The following LRRC9 variants were observed in gnomAD, a reference collection of about 807,000 sequenced individuals.
LRRC9 encodes the protein leucine-rich repeat-containing protein 9.
In LRRC9, 122 loss-of-function variants were observed where a neutral mutation model predicts 63.2. The observed-to-expected ratio is 1.93, with a 90% confidence interval of 1.67 to 2.24. The LOEUF (loss-of-function observed/expected upper bound fraction) is 2.24. Ranked by LOEUF, LRRC9 falls within the 30% of genes most tolerant of loss-of-function variation. The pLI, the probability that LRRC9 is intolerant of heterozygous loss-of-function variation, is 0.00. For missense variants in LRRC9, 1,071 were observed against 627.7 expected (o/e 1.71, Z -7.55); for synonymous variants, 366 against 213.1 (o/e 1.72, Z -6.25).
chr14:60,034,757 CT>C (rs1196606233), intron 29 of LRRC9, among the ~76,000 whole-genome samples: 1 of 152,124 alleles, frequency 6.6e-6, no homozygotes, highest in Non-Finnish European at 1.5e-5. Flanking sequence ...CTGATGGGCA[CT>C]TAGGTTGATT....
intron 17 of LRRC9, among the ~76,000 whole-genome samples, chr14:59,989,672 TA>T (rs1441861167): frequency 6.6e-6 from 1 of 152,150 alleles, no homozygotes; most frequent in African/African-American, 2.4e-5. Context: ...CTACCAGTAA[TA>T]TTAACCTCTG....
At chr14:60,059,264 T>C (rs529851392) in intron 31 of LRRC9, 1 of 152,368 alleles carries the variant, frequency 6.6e-6, no homozygotes, top group Non-Finnish European at 1.5e-5. Flanking sequence ...TTTGTGTCTT[T>C]ATCACATTTT....
At chr14:59,981,711 T>A in intron 15 of LRRC9, 137 bp from the exon 16 acceptor site, 1 of 605,848 alleles carries the variant, frequency 1.7e-6, no homozygotes, top group Non-Finnish European at 2.9e-6. Context: ...CTCATAGATG[T>A]CCTAATGTGA....
chr14:59,999,208 A>G, exon 19 of LRRC9: 4 of 700,964 alleles, frequency 5.7e-6, no homozygotes, highest in Non-Finnish European at 1.0e-5. Flanking sequence ...AATTTATTGC[A>G]GGAACAAGGA....
intron 29 of LRRC9, among the ~76,000 whole-genome samples, 175 bp downstream of exon 29, chr14:60,032,238 T>A (rs1163970756): frequency 6.6e-6 from 1 of 152,168 alleles, no homozygotes; most frequent in African/African-American, 2.4e-5. Flanking sequence ...GTTATTGTCA[T>A]GTATAAATAA....
At position 60,060,832 on chromosome 14, in the gene LRRC9, C is replaced by T. The variant is rs867493386; in HGVS notation, c.4277-2491C>T. Among the ~76,000 whole-genome samples, 20 of 152,284 alleles carry T rather than the reference C, an allele frequency of 1.3e-4. No homozygotes were observed. The highest frequency in any genetic ancestry group is 1.8e-4 in the Non-Finnish European group (12 of 68,008). On this transcript the variant is annotated intron_variant, in intron 31 of 31. Coordinates refer to ENST00000445360, the Ensembl canonical transcript of LRRC9. The surrounding 1 kb of genome is among the most constrained non-coding windows in gnomAD (Gnocchi z 4.0). ...TCTGGAAAGGATTCACCATTCTAGACGCCATTAAAAACATTTGTAATTCAT... is the reference window on the plus strand; with the variant it reads ...TCTGGAAAGGATTCACCATTCTAGATGCCATTAAAAACATTTGTAATTCAT...
rs767981513 is a variant in LRRC9 at position 60,042,527 on chromosome 14, G to A, written c.3990+10464G>A. ...CTGTGCTGGCAGTGAGTGAGGCTCCGTGGGCATGGGATCCTCCAAGCCATG... is the reference window on the plus strand; with the variant it reads ...CTGTGCTGGCAGTGAGTGAGGCTCCATGGGCATGGGATCCTCCAAGCCATG... On this transcript the variant is annotated intron_variant, in intron 29 of 31. Transcript: ENST00000445360. This position sits in a 1 kb window ranked among gnomAD's most constrained non-coding sequence, Gnocchi z 4.2. Among the ~76,000 whole-genome samples, 4 of 152,198 alleles carry A rather than the reference G, an allele frequency of 2.6e-5. No individual in the cohort carries two copies. In the South Asian group the frequency reaches 6.2e-4, roughly 24 times the overall value.
chr14:60,057,818 A>T, intron 30 of LRRC9, 60 bp from the exon 31 acceptor site: 2 of 567,648 alleles, frequency 3.5e-6, no homozygotes, highest in Admixed American at 4.5e-5. Context: ...ATAAGGATTA[A>T]GCCTATTGAT....
rs1400514072 is a variant in LRRC9 at position 59,952,985 on chromosome 14, A to G, written c.883-6833A>G. On this transcript the variant is annotated intron_variant, in intron 8 of 31. Transcript: ENST00000445360. ...CATCCATGTCCCTGCAAAGGACATG[A>G]GCTCATTCTCTTTAATGGCTGCATA... is the stretch of plus-strand genomic sequence containing the variant. Among the ~76,000 whole-genome samples the G allele has an allele frequency of 2.0e-5, 3 of 152,278 alleles. No individual in the cohort carries two copies. In the East Asian group the frequency reaches 5.8e-4, roughly 29 times the overall value.
intron 29 of LRRC9, among the ~76,000 whole-genome samples, chr14:60,035,276 A>G (rs1892336730): frequency 6.6e-6 from 1 of 152,052 alleles, no homozygotes; most frequent in Non-Finnish European, 1.5e-5. Context: ...TTGATTGCAA[A>G]TATTTTCTCC....
rs1020731830 is a variant in LRRC9, at chr14:60,006,620, A to T, written c.3063+3A>T. On this transcript the variant is annotated splice_donor_region_variant and intron_variant, in intron 22 of 31. Coordinates refer to ENST00000445360, the Ensembl canonical transcript of LRRC9. ...ATCAGGAGATGCACAATTTAAAGGT[A>T]ATCATCTGGGTAGTAATTTTTTTGT... 16 of 632,904 alleles carry T rather than the reference A, an allele frequency of 2.5e-5. No homozygotes were observed. The highest frequency in any genetic ancestry group is 2.7e-4 in the Middle Eastern group (1 of 3,684). The allele number at this position is 632,904 out of a possible 1,614,324, so 39.2% of individuals were successfully genotyped here. A position where few individuals can be genotyped will look rare whatever the true frequency, so the allele number is the denominator to read the frequency against.
In LRRC9 at chr14:59,932,035, T is replaced by A. The variant is rs1301889918; in HGVS notation, c.539T>A (p.Phe180Tyr). The A allele has an allele frequency of 1.4e-6, 1 of 699,610 alleles. No homozygotes were observed. The highest frequency in any genetic ancestry group is 2.6e-6 in the Non-Finnish European group (1 of 383,288). 43.3% of individuals were successfully genotyped at this position (699,610 alleles called of 1,614,324 possible). A position where few individuals can be genotyped will look rare whatever the true frequency, so the allele number is the denominator to read the frequency against. ...CTTTCTGGTAACCAAATATGTTCTT[T>A]CAAGGTATGTTTAAGTGGAATAATT... The change falls in exon 6 of 32, where the codon TTC (phenylalanine) becomes TAC (tyrosine). Residue 180 changes from phenylalanine (F) to tyrosine (Y), a missense_variant. Coordinates refer to ENST00000445360, the Ensembl canonical transcript of LRRC9. The surrounding 1 kb of genome is among the most constrained non-coding windows in gnomAD (Gnocchi z 4.7).
rs398043778 is a variant in LRRC9 at position 60,007,940 on chromosome 14, TAAAA to T, written c.3064-133_3064-130del. ...GAGCAACAGCACGAGACCATGTCTT[TAAAA>T]AAAAAAAAAAAAAAAAAAGTATACT... On this transcript the variant is annotated intron_variant, in intron 22 of 31. Coordinates refer to ENST00000445360, the Ensembl canonical transcript of LRRC9. Among the ~76,000 whole-genome samples, 999 of 126,906 alleles carry T rather than the reference TAAAA, an allele frequency of 7.9e-3. 4 individuals are homozygous for T. Among genetic ancestry groups the T allele is most frequent in the African/African-American group, 0.021 (691 of 33,224 alleles). 83.3% of individuals were successfully genotyped at this position (126,906 alleles called of 152,430 possible). A position where few individuals can be genotyped will look rare whatever the true frequency, so the allele number is the denominator to read the frequency against.
At chr14:60,007,940 TAAAAAAAAAAAA>T (rs398043778) in intron 22 of LRRC9, among the ~76,000 whole-genome samples, 140 bp from the exon 23 acceptor site, 1 of 126,934 alleles carries the variant, frequency 7.9e-6, no homozygotes, top group Admixed American at 8.1e-5. Context: ...ACCATGTCTT[TAAAAAAAAAAAA>T]AAAAAAAAAA....
At chr14:60,048,660 C>T (rs1045951656) in intron 29 of LRRC9, among the ~76,000 whole-genome samples, 1 of 151,864 alleles carries the variant, frequency 6.6e-6, no homozygotes, top group Non-Finnish European at 1.5e-5. Context: ...AGCCTAACAA[C>T]CAAAAAAAAG....
intron 29 of LRRC9, among the ~76,000 whole-genome samples, chr14:60,036,359 T>C (rs1027074409): frequency 2.0e-5 from 3 of 152,180 alleles, no homozygotes; most frequent in Non-Finnish European, 2.9e-5. Flanking sequence ...TCAGCCAGGA[T>C]CATGCATTGC....
chr14:60,036,319 T>A (rs1892428373), intron 29 of LRRC9, among the ~76,000 whole-genome samples: 1 of 152,184 alleles, frequency 6.6e-6, no homozygotes. Context: ...TCACCTATTG[T>A]TCTCATAATG....
At chr14:59,987,626 C>CAAGT (rs1887628488) in intron 17 of LRRC9, among the ~76,000 whole-genome samples, 1 of 151,714 alleles carries the variant, frequency 6.6e-6, no homozygotes, top group Non-Finnish European at 1.5e-5. Context: ...TGCAAATTGG[C>CAAGT]AAGTGGATCC....
At chr14:59,955,275 G>T (rs936168760) in intron 8 of LRRC9, among the ~76,000 whole-genome samples, 4 of 152,102 alleles carry the variant, frequency 2.6e-5, no homozygotes, top group Non-Finnish European at 4.4e-5. Context: ...TCAGGTCCTG[G>T]ACTTCTTTTG....
Sources: allele counts gnomAD v4.1 joint callset (sites outside exome capture counted in the v4.1 genomes callset), GRCh38; gene constraint gnomAD v4.1.1; non-coding constraint Gnocchi (gnomAD v3.1); transcripts MANE v1.5; gene names NCBI Gene and HGNC (gene_info 2026-07-23, HGNC 2026-07-21).